GRIP1: variants seen among roughly 807,000 people sequenced by gnomAD.
The protein encoded by GRIP1 is glutamate receptor interacting protein 1.
Under a neutral mutation model 129.9 loss-of-function variants are expected in GRIP1, and 45 were observed. The ratio of observed to expected loss-of-function variants is 0.35; its 90% confidence interval spans 0.27 to 0.44. The LOEUF is 0.44. GRIP1 is among the 20% of genes least tolerant of loss of function. The pLI, the probability that GRIP1 is intolerant of heterozygous loss-of-function variation, is 1.00. For missense variants in GRIP1, 1,196 were observed against 1,396.8 expected, an observed-to-expected ratio of 0.86 and a Z score of 2.29; for synonymous variants, 530 against 520.8, an observed-to-expected ratio of 1.02 and a Z score of -0.24.
At chr12:66,722,919 A>G (rs1433362282) in intron 1 of GRIP1, among the ~76,000 whole-genome samples, 2 of 152,134 alleles carry the variant, frequency 1.3e-5, no homozygotes, top group African/African-American at 4.8e-5. Context: ...CCTGTCTCCT[A>G]TAACTTTATT....
At chr12:66,701,652 T>A (rs2136355151) in intron 1 of GRIP1, among the ~76,000 whole-genome samples, 1 of 152,278 alleles carries the variant, frequency 6.6e-6, no homozygotes, top group Middle Eastern at 3.4e-3. Context: ...GCCCCAGAAT[T>A]CAGCACACAA....
chr12:66,565,251 T>C (rs1456807304), intron 2 of GRIP1, among the ~76,000 whole-genome samples: 3 of 152,186 alleles, frequency 2.0e-5, no homozygotes, highest in African/African-American at 4.8e-5. Flanking sequence ...GTTTTTATGG[T>C]TTTAGGTCTA....
At chr12:67,046,068 G>T (rs921105253) in intron 1 of GRIP1, among the ~76,000 whole-genome samples, 3 of 152,164 alleles carry the variant, frequency 2.0e-5, no homozygotes, top group Admixed American at 1.3e-4. Flanking sequence ...AAAGAGAAGA[G>T]CATCTCACAG....
intron 1 of GRIP1, among the ~76,000 whole-genome samples, chr12:66,936,229 G>A (rs574661059): frequency 6.6e-6 from 1 of 152,164 alleles, no homozygotes; most frequent in East Asian, 1.9e-4. Flanking sequence ...AGACCAGCCT[G>A]GGCAACATAG....
At chr12:66,845,760 A>G (rs1004409563) in intron 1 of GRIP1, among the ~76,000 whole-genome samples, 2 of 152,176 alleles carry the variant, frequency 1.3e-5, no homozygotes, top group African/African-American at 2.4e-5. Context: ...GAGAATCTCT[A>G]TCTTGCAGGA....
intron 7 of GRIP1, among the ~76,000 whole-genome samples, chr12:66,489,924 G>A (rs2060059736): frequency 6.6e-6 from 1 of 152,090 alleles, no homozygotes; most frequent in African/African-American, 2.4e-5. Flanking sequence ...GCTAATAAGG[G>A]AAGTGAAGGA....
chr12:66,549,756 G>C (rs1427428771), intron 2 of GRIP1, among the ~76,000 whole-genome samples: 2 of 152,114 alleles, frequency 1.3e-5, no homozygotes, highest in Non-Finnish European at 2.9e-5. Context: ...ACATAAATTT[G>C]ATCAGTGGCA....
chr12:66,451,166 C>T (rs2058783717), intron 11 of GRIP1, among the ~76,000 whole-genome samples: 1 of 152,004 alleles, frequency 6.6e-6, no homozygotes, highest in Admixed American at 6.6e-5. Flanking sequence ...GGGTTCTGTT[C>T]ACAACTCTTC....
chr12:66,614,675 G>A (rs1268642051), intron 1 of GRIP1, among the ~76,000 whole-genome samples: 1 of 152,050 alleles, frequency 6.6e-6, no homozygotes, highest in Non-Finnish European at 1.5e-5. Flanking sequence ...AAGTTCCCCA[G>A]GGGCTTCCAT....
At chr12:66,355,430 C>T (rs1565659366) in intron 23 of GRIP1, among the ~76,000 whole-genome samples, 1 of 152,172 alleles carries the variant, frequency 6.6e-6, no homozygotes, top group Admixed American at 6.5e-5. Flanking sequence ...TAAGAGGTGA[C>T]AGATATAAAG....
At chr12:66,557,947 A>C (rs932691369) in intron 2 of GRIP1, among the ~76,000 whole-genome samples, 4 of 146,196 alleles carry the variant, frequency 2.7e-5, no homozygotes, top group African/African-American at 9.7e-5. Context: ...TTAGTAGCAT[A>C]AAAGAAAAGA....
Position 66,503,861 on chromosome 12 carries a change from A to G in GRIP1, c.724+11758T>C, listed in dbSNP as rs114789553. ...TTCCTCCCAAATATCTGTTCTGGGA[A>G]ATGTGAGGTTAGAAAGAGAAGACTG... On this transcript the variant is annotated intron_variant, in intron 7 of 24. Transcript: ENST00000359742. Among the ~76,000 whole-genome samples the G allele has an allele frequency of 9.6e-3, 1,468 of 152,318 alleles. 21 individuals are homozygous for G. The highest frequency in any genetic ancestry group is 0.032 in the African/African-American group (1,315 of 41,574).
chr12:66,773,724 A>C (rs1592832096), intron 1 of GRIP1, among the ~76,000 whole-genome samples: 1 of 152,174 alleles, frequency 6.6e-6, no homozygotes, highest in East Asian at 1.9e-4. Flanking sequence ...ACAAAAAGAA[A>C]ATAAAAGAAC....
intron 17 of GRIP1, among the ~76,000 whole-genome samples, 164 bp downstream of exon 17, chr12:66,394,044 G>C (rs2056697502): frequency 6.6e-6 from 1 of 152,172 alleles, no homozygotes; most frequent in Non-Finnish European, 1.5e-5. Context: ...TCAGAGTCAA[G>C]TCGGAACTCT....
intron 1 of GRIP1, among the ~76,000 whole-genome samples, chr12:66,772,922 TAA>T (rs545005617): frequency 7.2e-5 from 11 of 152,088 alleles, no homozygotes; most frequent in Non-Finnish European, 1.2e-4. Flanking sequence ...TGGCAAGATA[TAA>T]GAGAGGAAAC....
Position 66,772,106 on chromosome 12 carries a change from T to C in GRIP1, c.-420+31947A>G, listed in dbSNP as rs534914220. Among the ~76,000 whole-genome samples, 7 of 152,366 alleles carry C rather than the reference T, an allele frequency of 4.6e-5. No individual in the cohort carries two copies. In the South Asian group the frequency reaches 1.4e-3, roughly 32 times the overall value. The stretch of plus-strand genomic sequence containing the variant: ...TAACAGCCCCATGAGATAGGTAAGA[T>C]ATCATCCCCATTTTATAGTTTAGGG... On this transcript the variant is annotated intron_variant, in intron 1 of 4. Coordinates refer to the GRIP1 transcript ENST00000538373.
intron 1 of GRIP1, among the ~76,000 whole-genome samples, chr12:66,942,429 C>A (rs1359902267): frequency 6.6e-6 from 1 of 152,120 alleles, no homozygotes; most frequent in East Asian, 1.9e-4. Context: ...TTTCTTTGAT[C>A]CACTTCCTCT....
intron 1 of GRIP1, among the ~76,000 whole-genome samples, chr12:66,799,728 A>G (rs1406239707): frequency 6.6e-6 from 1 of 152,028 alleles, no homozygotes; most frequent in African/African-American, 2.4e-5. Context: ...ACTTATCAAG[A>G]AAGAAAGTCC....
intron 19 of GRIP1, among the ~76,000 whole-genome samples, chr12:66,386,155 T>G (rs2056348429): frequency 1.3e-5 from 2 of 152,186 alleles, no homozygotes; most frequent in African/African-American, 4.8e-5. Flanking sequence ...GATGGAATCT[T>G]GATAGGATGA....
Sources: allele counts gnomAD v4.1 joint callset (sites outside exome capture counted in the v4.1 genomes callset), GRCh38; gene constraint gnomAD v4.1.1; transcripts MANE v1.5; gene names NCBI Gene and HGNC (gene_info 2026-07-23, HGNC 2026-07-21).